C2orf92: variants seen among roughly 807,000 people sequenced by gnomAD.
C2orf92 encodes chromosome 2 open reading frame 92.
At chr2:97,675,393 A>T (rs1453036271) in intron 2 of C2orf92, among the ~76,000 whole-genome samples, 2 of 152,228 alleles carry the variant, frequency 1.3e-5, no homozygotes, top group South Asian at 2.1e-4. Context: ...CCCTTGGCAG[A>T]TACATTTTGA....
chr2:97,690,380 T>TTTCC, intron 5 of C2orf92, 53 bp downstream of exon 5: 2 of 397,160 alleles, frequency 5.0e-6, no homozygotes, highest in Non-Finnish European at 8.9e-6. Flanking sequence ...CATTGTTCTT[T>TTTCC]TTCCTCTTTT....
chr2:97,693,194 A>G (rs1185853777), intron 5 of C2orf92, among the ~76,000 whole-genome samples: 1 of 152,152 alleles, frequency 6.6e-6, no homozygotes, highest in African/African-American at 2.4e-5. Context: ...ATTCTATTGT[A>G]TATATATACC....
upstream of C2orf92, among the ~76,000 whole-genome samples, chr2:97,667,603 T>G (rs1403679789): frequency 6.6e-6 from 1 of 151,846 alleles, no homozygotes; most frequent in Non-Finnish European, 1.5e-5. Flanking sequence ...TGGCTAATTT[T>G]TTGTATTTTT....
At position 97,701,319 on chromosome 2, in the gene C2orf92, C is replaced by T. The variant is rs187867622; in HGVS notation, c.665+15C>T. 20 of 398,894 alleles carry T rather than the reference C, an allele frequency of 5.0e-5. No homozygotes were observed. The highest frequency in any genetic ancestry group is 1.8e-4 in the Admixed American group (4 of 22,732). 24.7% of individuals were successfully genotyped at this position (398,894 alleles called of 1,614,324 possible). ...AAACAGCCATCGTGCGTGGTGCTGG[C>T]ATAACCTTCCTTCCAAGAACCCGCG... is the stretch of plus-strand genomic sequence containing the variant. On this transcript the variant is annotated intron_variant, in intron 7 of 7. Transcript: ENST00000627399.
intron 1 of C2orf92, chr2:97,671,629 A>T: frequency 2.5e-6 from 1 of 396,534 alleles, no homozygotes; most frequent in Non-Finnish European, 4.4e-6. Context: ...TTGAGGCTAG[A>T]ATCTGTCTAC....
upstream of C2orf92, among the ~76,000 whole-genome samples, chr2:97,665,406 G>A (rs908281699): frequency 2.6e-5 from 4 of 152,098 alleles, no homozygotes; most frequent in African/African-American, 9.7e-5. Flanking sequence ...GACCCCAAGG[G>A]AGGGTTATTG....
At position 97,702,817 on chromosome 2, in the gene C2orf92, C is replaced by T. The variant is rs756653205; in HGVS notation, c.*16C>T. On this transcript the variant is annotated 3_prime_UTR_variant, in exon 8 of 8. Coordinates refer to ENST00000627399, the MANE Select transcript of C2orf92 (RefSeq NM_001351368.2). ...CTGTGTCTAAGCCAGGTCGTGGGGC[C>T]GTCAAACCAGGACTTGAAACCACAA... The T allele has an allele frequency of 5.8e-5, 23 of 398,940 alleles. No individual in the cohort carries two copies. The highest frequency in any genetic ancestry group is 9.3e-5 in the Non-Finnish European group (21 of 226,038). 24.7% of individuals were successfully genotyped at this position (398,940 alleles called of 1,614,324 possible).
upstream of C2orf92, among the ~76,000 whole-genome samples, chr2:97,666,517 G>T (rs193034702): frequency 8.2e-6 from 1 of 121,760 alleles, no homozygotes; most frequent in Admixed American, 9.3e-5. Flanking sequence ...GCGACAGAGT[G>T]AGACTCCGTC....
At chr2:97,682,885 A>G (rs1675824522) in intron 3 of C2orf92, among the ~76,000 whole-genome samples, 4 of 152,192 alleles carry the variant, frequency 2.6e-5, no homozygotes, top group Admixed American at 2.6e-4. Flanking sequence ...AAAGACTGAA[A>G]GCTTTCCTCA....
chr2:97,701,020 C>T (rs1272151915), intron 6 of C2orf92, 134 bp from the exon 7 acceptor site: 4 of 376,088 alleles, frequency 1.1e-5, no homozygotes, highest in Non-Finnish European at 1.9e-5. Flanking sequence ...CGTGAGCCAC[C>T]GCGCCCGGCC....
intron 3 of C2orf92, among the ~76,000 whole-genome samples, chr2:97,684,687 A>T (rs1397565436): frequency 6.6e-6 from 1 of 152,218 alleles, no homozygotes; most frequent in African/African-American, 2.4e-5. Flanking sequence ...AATGAGAGAA[A>T]ATGTTTGCAA....
chr2:97,701,482 C>T (rs558319747), intron 7 of C2orf92, among the ~76,000 whole-genome samples, 178 bp downstream of exon 7: 68 of 152,280 alleles, frequency 4.5e-4, no homozygotes, highest in Admixed American at 5.9e-4. Flanking sequence ...CATGGGTTTT[C>T]GGCACAGCCT....
intron 1 of C2orf92, chr2:97,671,373 C>T (rs753126321): frequency 5.0e-6 from 2 of 397,332 alleles, no homozygotes; most frequent in Non-Finnish European, 8.9e-6. Flanking sequence ...CCTCGAACTC[C>T]TGACCTCAAG....
chr2:97,693,956 C>T (rs1676221868), intron 5 of C2orf92, among the ~76,000 whole-genome samples: 2 of 152,164 alleles, frequency 1.3e-5, no homozygotes, highest in Admixed American at 1.3e-4. Context: ...GGGCACAGTT[C>T]AGTGGTATTA....
intron 3 of C2orf92, among the ~76,000 whole-genome samples, chr2:97,679,704 G>C (rs1157631216): frequency 6.6e-6 from 1 of 151,740 alleles, no homozygotes; most frequent in African/African-American, 2.4e-5. Flanking sequence ...TAGCCGGGCA[G>C]CAGGTGCCTG....
intron 3 of C2orf92, chr2:97,677,812 AT>A (rs1182664194): frequency 3.3e-5 from 5 of 152,224 alleles, no homozygotes; most frequent in African/African-American, 1.2e-4. Flanking sequence ...CCATGAACAA[AT>A]AACTTAAGGA....
rs1676549777 is a variant in C2orf92 at position 97,703,017 on chromosome 2, C to G, written c.*216C>G. The G allele has an allele frequency of 7.9e-6, 3 of 379,186 alleles. No individual in the cohort carries two copies. The highest frequency in any genetic ancestry group is 2.1e-5 in the African/African-American group (1 of 48,288). The allele number at this position is 379,186 out of a possible 1,614,324, so 23.5% of individuals were successfully genotyped here. A position where few individuals can be genotyped will look rare whatever the true frequency, so the allele number is the denominator to read the frequency against. ...CGATGGCTGGCGTCGGTGAACCCGA[C>G]AGACTATGGATTTATCATTTAATAA... is the stretch of plus-strand genomic sequence containing the variant. On this transcript the variant is annotated 3_prime_UTR_variant, in exon 8 of 8. Transcript: ENST00000627399.
At chr2:97,697,149 C>T (rs1676332936) in intron 5 of C2orf92, 1 of 152,132 alleles carries the variant, frequency 6.6e-6, no homozygotes, top group Non-Finnish European at 1.5e-5. Flanking sequence ...TGGGTGGCTG[C>T]TCCTGTCATA....
chr2:97,679,877 G>T (rs1471559399), intron 3 of C2orf92, among the ~76,000 whole-genome samples: 2 of 144,322 alleles, frequency 1.4e-5, no homozygotes, highest in Non-Finnish European at 3.1e-5. Flanking sequence ...AAGAAATAAA[G>T]AGTTGAATGG....
Sources: gnomAD v4.1 joint callset for allele counts (sites outside exome capture counted in the v4.1 genomes callset) on GRCh38, gnomAD v4.1.1 for gene constraint, MANE v1.5 for transcripts, NCBI Gene and HGNC (gene_info 2026-07-23, HGNC 2026-07-21) for gene names.